FNDC3B: variants seen among roughly 807,000 people sequenced by gnomAD.
FNDC3B encodes the protein fibronectin type III domain containing 3B, also known as fibronectin type III domain-containing protein 3B.
A neutral mutation model predicts 151.5 loss-of-function variants in FNDC3B; 12 were observed. The observed-to-expected ratio is 0.08, with a 90% confidence interval of 0.05 to 0.13. FNDC3B has a LOEUF of 0.13. Ranked by LOEUF, FNDC3B falls within the 10% of genes least tolerant of loss-of-function variation. The pLI, the probability that FNDC3B is intolerant of heterozygous loss-of-function variation, is 1.00. For synonymous variants in FNDC3B, 528 were observed against 549.0 expected, an observed-to-expected ratio of 0.96 and a Z score of 0.54; for missense variants, 1,214 against 1,505.3, an observed-to-expected ratio of 0.81 and a Z score of 3.20.
At chr3:172,072,180 T>C (rs533029117) in intron 1 of FNDC3B, among the ~76,000 whole-genome samples, 110 of 148,928 alleles carry the variant, frequency 7.4e-4, no homozygotes, top group Middle Eastern at 3.4e-3. Context: ...CATGTGGCTG[T>C]TGATTACTCA....
chr3:172,083,155 C>T (rs1186041630), intron 1 of FNDC3B, among the ~76,000 whole-genome samples: 1 of 152,152 alleles, frequency 6.6e-6, no homozygotes, highest in Non-Finnish European at 1.5e-5. Flanking sequence ...TGATAGTTAG[C>T]CTGCCACAGT....
rs1715953525 is a variant in FNDC3B, at chr3:172,040,274, A to AG, written c.-29+506dup. ...TAGATTTCCATATGGTGGAGGGAAG[A>AG]GGGCGGGAGTGCGAAGTGGGGCTGG... On this transcript the variant is annotated intron_variant, in intron 1 of 25. Coordinates refer to ENST00000415807, the MANE Select transcript of FNDC3B (RefSeq NM_022763.4). The surrounding 1 kb of genome is among the most constrained non-coding windows in gnomAD (Gnocchi z 6.6). 6.6e-6 allele frequency among the ~76,000 whole-genome samples: 1 copy of AG among 151,254 alleles called. No individual in the cohort carries two copies. The highest frequency in any genetic ancestry group is 1.5e-5 in the Non-Finnish European group (1 of 67,748).
At chr3:172,190,155 CT>C (rs1157188017) in intron 3 of FNDC3B, among the ~76,000 whole-genome samples, 1 of 152,094 alleles carries the variant, frequency 6.6e-6, no homozygotes, top group African/African-American at 2.4e-5. Flanking sequence ...GTTCAGCCGA[CT>C]GGGAGTGCCT....
rs573503099 is a variant in FNDC3B, at chr3:172,156,836, G to T, written c.187+23290G>T. ...CCAGGTCAAATCACTTATCCTTGTA[G>T]AATGTTTTTTTAACCTTTTGAGGTG... On this transcript the variant is annotated intron_variant, in intron 3 of 25. Coordinates refer to ENST00000415807, the MANE Select transcript of FNDC3B (RefSeq NM_022763.4). Among the ~76,000 whole-genome samples, 134 of 152,004 alleles carry T rather than the reference G, an allele frequency of 8.8e-4. 1 individual carries two copies. The highest frequency in any genetic ancestry group is 1.7e-3 in the Non-Finnish European group (116 of 68,014).
intron 1 of FNDC3B, among the ~76,000 whole-genome samples, chr3:172,067,226 G>GTGGTATT (rs1717543879): frequency 6.6e-6 from 1 of 152,182 alleles, no homozygotes; most frequent in Non-Finnish European, 1.5e-5. Flanking sequence ...TCAGACAGCA[G>GTGGTATT]TGGTATTTTT....
intron 3 of FNDC3B, among the ~76,000 whole-genome samples, chr3:172,210,150 T>C (rs965815194): frequency 6.6e-6 from 1 of 152,124 alleles, no homozygotes; most frequent in Non-Finnish European, 1.5e-5. Flanking sequence ...GCCAACTTGG[T>C]AGGGCACAGG....
At chr3:172,282,039 C>A (rs1455338635) in intron 6 of FNDC3B, among the ~76,000 whole-genome samples, 2 of 152,242 alleles carry the variant, frequency 1.3e-5, no homozygotes, top group African/African-American at 4.8e-5. Context: ...TACTTCGAGG[C>A]ACGCTTAGAT....
At chr3:172,347,114 C>T (rs1576934012) in intron 20 of FNDC3B, 98 bp from the exon 21 acceptor site, 1 of 1,005,602 alleles carries the variant, frequency 9.9e-7, no homozygotes, top group East Asian at 2.5e-5. Context: ...TATTCTGGGG[C>T]ATGTTGCTCT....
intron 3 of FNDC3B, among the ~76,000 whole-genome samples, chr3:172,152,167 G>A (rs1207947517): frequency 1.3e-5 from 2 of 152,176 alleles, no homozygotes. Flanking sequence ...TGTTTTGGCT[G>A]CCAATTCCTC....
intron 2 of FNDC3B, among the ~76,000 whole-genome samples, chr3:172,121,296 A>G (rs1268546726): frequency 1.3e-5 from 2 of 152,228 alleles, no homozygotes; most frequent in African/African-American, 4.8e-5. Context: ...TCTTTTAGTT[A>G]TCTACTTGCC....
Position 172,329,025 on chromosome 3 carries a change from C to T in FNDC3B, c.1328C>T (p.Pro443Leu), listed in dbSNP as rs993410977. Residue 443 changes from proline to leucine, a missense_variant, in exon 12 of 26, where the codon CCG becomes CTG. By Grantham distance (98) the Pro-to-Leu change is moderately conservative. Transcript: ENST00000415807. Reference protein sequence around the residue: ...QKHCKLTKLCPAMGYTFRLAA... With the variant: ...QKHCKLTKLCLAMGYTFRLAA... ...CACTGCAAGTTGACAAAGCTTTGTC[C>T]GGCAATGGGGTACACATTCAGGCTG... is the stretch of plus-strand genomic sequence containing the variant. 1.9e-6 allele frequency: 3 copies of T among 1,613,718 alleles called. No individual in the cohort carries two copies. Among genetic ancestry groups the T allele is most frequent in the African/African-American group, 1.3e-5 (1 of 74,994 alleles).
chr3:172,216,241 A>G (rs1725970490), intron 3 of FNDC3B, among the ~76,000 whole-genome samples: 1 of 152,150 alleles, frequency 6.6e-6, no homozygotes. Flanking sequence ...GCATTTGTAT[A>G]ATTCTTTAGG....
intron 15 of FNDC3B, among the ~76,000 whole-genome samples, chr3:172,336,995 A>T (rs529986931): frequency 6.6e-6 from 1 of 152,252 alleles, no homozygotes; most frequent in Non-Finnish European, 1.5e-5. Context: ...ATACAGTCTT[A>T]CATAAAAATC....
chr3:172,352,737 A>G lies in FNDC3B; in HGVS notation c.2515-66A>G, dbSNP rs557520743. On this transcript the variant is annotated intron_variant, in intron 21 of 25. Transcript: ENST00000415807. This position sits in a 1 kb window ranked among gnomAD's most constrained non-coding sequence, Gnocchi z 4.2. ...ACTTTAGATTTATTTAATGGCAGCT[A>G]ACTCAGAGGCATCAAAATGTGCTAA... The G allele has an allele frequency of 3.4e-6, 5 of 1,485,622 alleles. No individual in the cohort carries two copies. The East Asian group carries it at 9.1e-5, about 27-fold the overall frequency. The allele number at this position is 1,485,622 out of a possible 1,614,324, so 92.0% of individuals were successfully genotyped here. A position where few individuals can be genotyped will look rare whatever the true frequency, so the allele number is the denominator to read the frequency against.
intron 3 of FNDC3B, among the ~76,000 whole-genome samples, chr3:172,172,889 G>A (rs1422433991): frequency 2.0e-5 from 3 of 152,218 alleles, no homozygotes; most frequent in South Asian, 4.1e-4. Flanking sequence ...GAAAGTTTAG[G>A]AGTGAGTTAC....
At chr3:172,146,890 C>G (rs1721939595) in intron 3 of FNDC3B, among the ~76,000 whole-genome samples, 1 of 152,182 alleles carries the variant, frequency 6.6e-6, no homozygotes, top group Admixed American at 6.5e-5. Flanking sequence ...TTACTTTATA[C>G]TTACTTAGAT....
intron 5 of FNDC3B, among the ~76,000 whole-genome samples, chr3:172,250,391 T>G (rs1237667073): frequency 6.6e-6 from 1 of 152,228 alleles, no homozygotes; most frequent in Non-Finnish European, 1.5e-5. Context: ...GAGCTTTGAT[T>G]ATTTTAAATG....
intron 3 of FNDC3B, among the ~76,000 whole-genome samples, chr3:172,196,385 C>A (rs145148402): frequency 1.1e-4 from 16 of 151,998 alleles, no homozygotes; most frequent in Admixed American, 1.0e-3. Flanking sequence ...GGGGGTCTTG[C>A]TCTGTTGCCT....
chr3:172,383,654 G>A (rs192263993), intron 25 of FNDC3B, among the ~76,000 whole-genome samples: 70 of 152,316 alleles, frequency 4.6e-4, no homozygotes, highest in Non-Finnish European at 6.9e-4. Flanking sequence ...CTGGTCCATG[G>A]ACCATAATTT....
Sources: allele counts gnomAD v4.1 joint callset (sites outside exome capture counted in the v4.1 genomes callset), GRCh38; gene constraint gnomAD v4.1.1; non-coding constraint Gnocchi (gnomAD v3.1); transcripts MANE v1.5; gene names NCBI Gene and HGNC (gene_info 2026-07-23, HGNC 2026-07-21).